RIT1: variants seen among roughly 807,000 people sequenced by gnomAD.
RIT1 encodes Ras like without CAAX 1.
A neutral mutation model predicts 25.6 loss-of-function variants in RIT1; 6 were observed. That is an observed-to-expected ratio of 0.23 (90% confidence interval 0.13 to 0.46). The LOEUF (loss-of-function observed/expected upper bound fraction) is 0.46, where lower values mean the gene tolerates loss of function less well. Among genes scored for constraint, RIT1 ranks in the 20% least tolerant of loss-of-function variants. The pLI is 0.99. For synonymous variants in RIT1, 81 were observed against 94.1 expected (o/e 0.86, Z 0.80); for missense variants, 219 against 284.4 (o/e 0.77, Z 1.65).
chr1:155,910,105 C>G (rs1205081117), intron 3 of RIT1: 1 of 203,586 alleles, frequency 4.9e-6, no homozygotes, highest in Non-Finnish European at 1.0e-5. Flanking sequence ...AAGTTCAAAC[C>G]AGCTGACTCA....
At chr1:155,902,371 A>G (rs1673329037) in intron 5 of RIT1, among the ~76,000 whole-genome samples, 1 of 151,724 alleles carries the variant, frequency 6.6e-6, no homozygotes, top group African/African-American at 2.4e-5. Context: ...CAAAAAAAAA[A>G]AAAAGAAAAG....
intron 3 of RIT1, among the ~76,000 whole-genome samples, chr1:155,905,442 C>T (rs1673418388): frequency 6.6e-6 from 1 of 151,982 alleles, no homozygotes; most frequent in African/African-American, 2.4e-5. Context: ...TGAAACAATC[C>T]TCCTGCCTTG....
chr1:155,908,718 AC>A (rs1557961908), intron 3 of RIT1, among the ~76,000 whole-genome samples: 1 of 151,122 alleles, frequency 6.6e-6, no homozygotes, highest in Non-Finnish European at 1.5e-5. Context: ...ACCCAGCACC[AC>A]GCCCGGCTAG....
Position 155,900,103 on chromosome 1 carries a change from C to T in RIT1, c.*285G>A. 1 of 402,474 alleles carries T rather than the reference C, an allele frequency of 2.5e-6. No homozygotes were observed. The highest frequency in any genetic ancestry group is 3.6e-5 in the South Asian group (1 of 28,034). 24.9% of individuals were successfully genotyped at this position (402,474 alleles called of 1,614,324 possible). A position where few individuals can be genotyped will look rare whatever the true frequency, so the allele number is the denominator to read the frequency against. On this transcript the variant is annotated 3_prime_UTR_variant, in exon 6 of 6. Coordinates refer to ENST00000368323, the MANE Select transcript of RIT1 (RefSeq NM_006912.6). ...AAACACACATGGTATACATATTCTC[C>T]TGGGTATAAACAAATTTACATTAAT... is the stretch of plus-strand genomic sequence containing the variant.
Position 155,908,088 on chromosome 1 carries a change from TA to T in RIT1, c.163+2361del, listed in dbSNP as rs572558276. 5.7e-3 allele frequency among the ~76,000 whole-genome samples: 693 copies of T among 122,016 alleles called. 6 individuals are homozygous for T. The highest frequency in any genetic ancestry group is 0.047 in the South Asian group (187 of 3,992). 80.0% of individuals were successfully genotyped at this position (122,016 alleles called of 152,430 possible). A position where few individuals can be genotyped will look rare whatever the true frequency, so the allele number is the denominator to read the frequency against. On this transcript the variant is annotated intron_variant, in intron 3 of 5. Transcript: ENST00000368323. The stretch of plus-strand genomic sequence containing the variant: ...GCCTGGGCGACAGTGAGACTCCATC[TA>T]AAAAAAAAAAACAAAAAAAAAAATA...
intron 5 of RIT1, among the ~76,000 whole-genome samples, chr1:155,903,150 G>T (rs1354291285): frequency 6.6e-6 from 1 of 152,110 alleles, no homozygotes; most frequent in Non-Finnish European, 1.5e-5. Flanking sequence ...CAAAAAATTA[G>T]CCAGGCATGG....
intron 4 of RIT1, 109 bp downstream of exon 4, chr1:155,904,622 T>G (rs1195189638): frequency 8.3e-7 from 1 of 1,202,146 alleles, no homozygotes; most frequent in East Asian, 2.4e-5. Flanking sequence ...TGAGTCAGAG[T>G]GCATGAAAAA....
intron 3 of RIT1, among the ~76,000 whole-genome samples, chr1:155,905,472 T>C (rs1223490197): frequency 6.6e-6 from 1 of 152,094 alleles, no homozygotes; most frequent in Non-Finnish European, 1.5e-5. Flanking sequence ...AGTGCTGGTA[T>C]TACAGGTGTG....
intron 5 of RIT1, among the ~76,000 whole-genome samples, 154 bp downstream of exon 5, chr1:155,904,157 G>A (rs564442841): frequency 6.6e-6 from 1 of 152,252 alleles, no homozygotes; most frequent in Non-Finnish European, 1.5e-5. Context: ...GCCCACCTTG[G>A]CCCCGCAAAG....
chr1:155,899,332 C>A lies in RIT1; in HGVS notation c.*1056G>T, dbSNP rs1673258788. On this transcript the variant is annotated 3_prime_UTR_variant, in exon 6 of 6. Transcript: ENST00000368323. ...AGACTGACCCATTCAACAGAAATAG[C>A]AGATTTTCTCAGAGCACTGAGTCTA... 4.5e-6 allele frequency: 1 copy of A among 220,008 alleles called. No homozygotes were observed. Among genetic ancestry groups the A allele is most frequent in the Non-Finnish European group, 9.1e-6 (1 of 109,378 alleles). 13.6% of individuals were successfully genotyped at this position (220,008 alleles called of 1,614,324 possible).
At chr1:155,907,448 G>A (rs1157250474) in intron 3 of RIT1, among the ~76,000 whole-genome samples, 6 of 152,032 alleles carry the variant, frequency 3.9e-5, no homozygotes, top group Admixed American at 3.9e-4. Context: ...TTACCATGTT[G>A]GCCAGGCTGG....
chr1:155,903,620 CATAA>C (rs1254897399), intron 5 of RIT1, among the ~76,000 whole-genome samples: 10 of 151,974 alleles, frequency 6.6e-5, no homozygotes, highest in African/African-American at 1.7e-4. Flanking sequence ...TTTCTTCTAC[CATAA>C]ATAGTCTTGC....
intron 3 of RIT1, among the ~76,000 whole-genome samples, chr1:155,908,935 C>T (rs573142363): frequency 7.2e-5 from 11 of 151,892 alleles, no homozygotes; most frequent in Non-Finnish European, 1.3e-4. Context: ...TTTTCCCATC[C>T]CTGGAATCAT....
chr1:155,903,442 G>C (rs1673357778), intron 5 of RIT1, among the ~76,000 whole-genome samples: 1 of 109,516 alleles, frequency 9.1e-6, no homozygotes, highest in South Asian at 3.2e-4. Context: ...AACAGAGTGA[G>C]ACTCTGTCTC....
At position 155,900,683 on chromosome 1, in the gene RIT1, T is replaced by C. The variant is rs1048288776; in HGVS notation, c.430-65A>G. 3.9e-6 allele frequency: 5 copies of C among 1,272,012 alleles called. No individual in the cohort carries two copies. In the Admixed American group the frequency reaches 5.4e-5, roughly 14 times the overall value. 78.8% of individuals were successfully genotyped at this position (1,272,012 alleles called of 1,614,324 possible). A position where few individuals can be genotyped will look rare whatever the true frequency, so the allele number is the denominator to read the frequency against. On this transcript the variant is annotated intron_variant, in intron 5 of 5. Coordinates refer to ENST00000368323, the MANE Select transcript of RIT1 (RefSeq NM_006912.6). ...CAATTAAATTGTCCAAAAACCTGAA[T>C]GCACCACCACCTTAACACAAAGAAA...
intron 3 of RIT1, among the ~76,000 whole-genome samples, chr1:155,909,920 T>TA (rs1673550787): frequency 1.6e-4 from 2 of 12,506 alleles, no homozygotes; most frequent in Admixed American, 1.7e-3. Flanking sequence ...AGACTCCATC[T>TA]CAAAAAAAAA....
rs1468846789 is a variant in RIT1, at chr1:155,899,049, CT to C, written c.*1338del. The C allele has an allele frequency of 4.8e-6, 1 of 208,056 alleles. No individual in the cohort carries two copies. Among genetic ancestry groups the C allele is most frequent in the African/African-American group, 2.3e-5 (1 of 43,898 alleles). The allele number at this position is 208,056 out of a possible 1,614,324, so 12.9% of individuals were successfully genotyped here. A position where few individuals can be genotyped will look rare whatever the true frequency, so the allele number is the denominator to read the frequency against. ...AATATTCAATACATGATGCATTACT[CT>C]TAGCATTTTTGCATTTACTCTCCGC... On this transcript the variant is annotated 3_prime_UTR_variant, in exon 6 of 6. Coordinates refer to ENST00000368323, the MANE Select transcript of RIT1 (RefSeq NM_006912.6).
intron 3 of RIT1, among the ~76,000 whole-genome samples, chr1:155,907,504 G>C (rs1308471506): frequency 6.6e-6 from 1 of 152,186 alleles, no homozygotes; most frequent in Non-Finnish European, 1.5e-5. Flanking sequence ...AAAGTGCTTC[G>C]ATTACAGGAT....
At chr1:155,910,870 T>C (rs766404944) in intron 1 of RIT1, 66 bp from the exon 2 acceptor site, 7 of 1,592,350 alleles carry the variant, frequency 4.4e-6, no homozygotes, top group Admixed American at 1.8e-5. Flanking sequence ...CTCAAGCCAG[T>C]GCCTTACCTT....
Sources: gnomAD v4.1 joint callset for allele counts (sites outside exome capture counted in the v4.1 genomes callset) on GRCh38, gnomAD v4.1.1 for gene constraint, MANE v1.5 for transcripts, NCBI Gene and HGNC (gene_info 2026-07-23, HGNC 2026-07-21) for gene names.